The following GUCY1B1 variants were observed in gnomAD, a reference collection of about 807,000 sequenced individuals.
GUCY1B1 encodes guanylate cyclase 1 soluble subunit beta 1.
GUCY1B1 carries 43 observed loss-of-function variants against 71.0 expected under a neutral mutation model. That is an observed-to-expected ratio of 0.61 (90% CI 0.47 to 0.78). The LOEUF is 0.78. Ranked by LOEUF, GUCY1B1 falls within the 30% of genes least tolerant of loss-of-function variation. The pLI, the probability that GUCY1B1 is intolerant of heterozygous loss-of-function variation, is 0.00. For missense variants in GUCY1B1, 535 were observed against 754.1 expected (o/e 0.71, Z 3.40); for synonymous variants, 266 against 259.7 (o/e 1.02, Z -0.23).
chr4:155,798,645 C>G (rs1428263880), intron 8 of GUCY1B1, among the ~76,000 whole-genome samples: 1 of 152,104 alleles, frequency 6.6e-6, no homozygotes, highest in African/African-American at 2.4e-5. Context: ...AAAGTCACCC[C>G]TTTTAAAGAA....
In GUCY1B1 at chr4:155,772,962, A is replaced by G. The variant is rs188786714; in HGVS notation, c.78-2006A>G. Among the ~76,000 whole-genome samples, 976 of 152,354 alleles carry G rather than the reference A, an allele frequency of 6.4e-3. 7 individuals are homozygous for G. Among genetic ancestry groups the G allele is most frequent in the African/African-American group, 0.021 (878 of 41,580 alleles). ...ACCACCATTTGGAATTTTTCCCTTG[A>G]GCATACACAGATATAGTCATGAGTG... On this transcript the variant is annotated intron_variant, in intron 2 of 13. Coordinates refer to ENST00000264424, the MANE Select transcript of GUCY1B1 (RefSeq NM_000857.5).
At chr4:155,786,486 T>TG (rs1738788978) in intron 4 of GUCY1B1, among the ~76,000 whole-genome samples, 1 of 122,614 alleles carries the variant, frequency 8.2e-6, no homozygotes, top group African/African-American at 3.3e-5. Flanking sequence ...TTTTTTTTTT[T>TG]TGAGATGGAG....
chr4:155,789,058 G>A (rs1355081588), intron 4 of GUCY1B1, among the ~76,000 whole-genome samples: 2 of 152,104 alleles, frequency 1.3e-5, no homozygotes, highest in African/African-American at 4.8e-5. Flanking sequence ...AATATTTATT[G>A]GCCAATTTAT....
At chr4:155,763,545 C>CAA (rs60201385) in intron 2 of GUCY1B1, among the ~76,000 whole-genome samples, 33 of 150,512 alleles carry the variant, frequency 2.2e-4, no homozygotes, top group Non-Finnish European at 3.0e-4. Flanking sequence ...TCCTTACCTT[C>CAA]AAAAAAAAAA....
At chr4:155,796,335 G>A (rs1470780073) in intron 7 of GUCY1B1, 42 bp from the exon 8 acceptor site, 5 of 1,583,638 alleles carry the variant, frequency 3.2e-6, no homozygotes, top group Non-Finnish European at 2.6e-6. Context: ...TCTTAGGTAG[G>A]GAGAAAGGCA....
intron 2 of GUCY1B1, among the ~76,000 whole-genome samples, chr4:155,760,158 G>T (rs1238017356): frequency 1.3e-5 from 2 of 152,160 alleles, no homozygotes; most frequent in Admixed American, 1.3e-4. Flanking sequence ...GCGCTCCCAG[G>T]CTCAGCAGGC....
intron 1 of GUCY1B1, chr4:155,759,474 A>T: frequency 2.0e-6 from 1 of 495,654 alleles, no homozygotes; most frequent in Non-Finnish European, 3.5e-6. Context: ...GCGCCAGCGG[A>T]AGGGAAGGCT....
At chr4:155,783,547 C>T (rs1163518781) in intron 4 of GUCY1B1, among the ~76,000 whole-genome samples, 1 of 152,192 alleles carries the variant, frequency 6.6e-6, no homozygotes, top group East Asian at 1.9e-4. Context: ...CAGTCATTCA[C>T]TCAACTCAGA....
In GUCY1B1 at chr4:155,794,049, C is replaced by G. The variant is rs1739371380; in HGVS notation, c.689C>G (p.Thr230Ser). Residue 230 changes from threonine (T) to serine (S), a missense_variant, in exon 6 of 14, where the codon ACT (threonine) becomes AGT (serine). Coordinates refer to ENST00000264424, the MANE Select transcript of GUCY1B1 (RefSeq NM_000857.5). Reference sequence around the variant, plus strand: ...ATATTTGACCGGGACCTAGTGGTCACTCAGTGTGGCAATGCTATATACAGA... The same window carrying G: ...ATATTTGACCGGGACCTAGTGGTCAGTCAGTGTGGCAATGCTATATACAGA... ...HIIFDRDLVV[T>S]QCGNAIYRVL... The G allele has an allele frequency of 6.2e-7, 1 of 1,610,146 alleles. No individual in the cohort carries two copies. Among genetic ancestry groups the G allele is most frequent in the South Asian group, 1.1e-5 (1 of 91,016 alleles).
At chr4:155,762,917 A>G (rs1737094781) in intron 2 of GUCY1B1, among the ~76,000 whole-genome samples, 1 of 152,176 alleles carries the variant, frequency 6.6e-6, no homozygotes, top group African/African-American at 2.4e-5. Context: ...GACCATAACA[A>G]ATGTGAAAAA....
At chr4:155,804,893 T>C (rs914707236) in intron 12 of GUCY1B1, 146 bp downstream of exon 12, 10 of 800,516 alleles carry the variant, frequency 1.2e-5, no homozygotes, top group Non-Finnish European at 1.8e-5. Context: ...ACTTTTTATT[T>C]GAGAAGATTG....
chr4:155,801,987 C>T (rs1463968664), intron 9 of GUCY1B1, among the ~76,000 whole-genome samples: 1 of 152,148 alleles, frequency 6.6e-6, no homozygotes, highest in Non-Finnish European at 1.5e-5. Context: ...TGACAGTCTT[C>T]ATACTGTGAC....
chr4:155,792,088 G>A (rs1739220239), intron 5 of GUCY1B1, among the ~76,000 whole-genome samples: 1 of 151,974 alleles, frequency 6.6e-6, no homozygotes, highest in Non-Finnish European at 1.5e-5. Flanking sequence ...TGAAATATTT[G>A]CATTTTATAG....
intron 13 of GUCY1B1, among the ~76,000 whole-genome samples, chr4:155,806,085 G>T (rs981919351): frequency 1.3e-5 from 2 of 152,132 alleles, no homozygotes; most frequent in African/African-American, 4.8e-5. Flanking sequence ...CTTCTAAAGG[G>T]AATAGAATGC....
chr4:155,772,218 GGGA>G (rs2111011642), intron 2 of GUCY1B1, among the ~76,000 whole-genome samples: 1 of 152,244 alleles, frequency 6.6e-6, no homozygotes, highest in Non-Finnish European at 1.5e-5. Flanking sequence ...TTTGGAAAAA[GGGA>G]GAAGAATTTA....
At chr4:155,776,570 T>C (rs1327344822) in intron 3 of GUCY1B1, among the ~76,000 whole-genome samples, 2 of 152,010 alleles carry the variant, frequency 1.3e-5, no homozygotes, top group African/African-American at 4.8e-5. Context: ...CTCAGGAGGC[T>C]GAGGCAGGAG....
rs1362108005 is a variant in GUCY1B1, at chr4:155,799,846, A to G, written c.978-31A>G. On this transcript the variant is annotated intron_variant, in intron 8 of 13. Coordinates refer to ENST00000264424, the MANE Select transcript of GUCY1B1 (RefSeq NM_000857.5). ...TGCATTGTCATGTATATAAGTTGAGACTGATCTTGCCTCATTTCTCCATAT... is the reference window on the plus strand; with the variant it reads ...TGCATTGTCATGTATATAAGTTGAGGCTGATCTTGCCTCATTTCTCCATAT... The G allele has an allele frequency of 2.9e-6, 4 of 1,381,422 alleles. No homozygotes were observed. The African/African-American group carries it at 5.7e-5, about 20-fold the overall frequency. 85.6% of individuals were successfully genotyped at this position (1,381,422 alleles called of 1,614,324 possible). A position where few individuals can be genotyped will look rare whatever the true frequency, so the allele number is the denominator to read the frequency against.
At chr4:155,774,577 G>GT (rs1247346760) in intron 2 of GUCY1B1, among the ~76,000 whole-genome samples, 1 of 152,062 alleles carries the variant, frequency 6.6e-6, no homozygotes, top group African/African-American at 2.4e-5. Flanking sequence ...ATTTTTGTCT[G>GT]TTTTACTAAA....
chr4:155,805,191 C>G lies in GUCY1B1; in HGVS notation c.1798C>G (p.Gln600Glu). 1 of 1,611,006 alleles carries G rather than the reference C, an allele frequency of 6.2e-7. No individual in the cohort carries two copies. The highest frequency in any genetic ancestry group is 2.2e-5 in the East Asian group (1 of 44,774). Residue 600 changes from glutamine (Q) to glutamate (E), a missense_variant, in exon 13 of 14, where the codon CAA becomes GAA. Gln to Glu is a conservative substitution (Grantham distance 29). Transcript: ENST00000264424. ...VSMKGKKEPM[Q>E]VWFLSRKNTG... is the part of the protein sequence containing the mutation. Reference sequence around the variant, plus strand: ...CATGAAGGGCAAAAAAGAACCAATGCAAGTTTGGTTTCTATCCAGAAAAAA... The same window carrying G: ...CATGAAGGGCAAAAAAGAACCAATGGAAGTTTGGTTTCTATCCAGAAAAAA...
Sources: gnomAD v4.1 joint callset for allele counts (sites outside exome capture counted in the v4.1 genomes callset) on GRCh38, gnomAD v4.1.1 for gene constraint, MANE v1.5 for transcripts, NCBI Gene and HGNC (gene_info 2026-07-23, HGNC 2026-07-21) for gene names.